The following FHIT variants were observed in gnomAD, a reference collection of about 807,000 sequenced individuals.
The protein encoded by FHIT is fragile histidine triad diadenosine triphosphatase, also known as bis(5'-adenosyl)-triphosphatase.
A neutral mutation model predicts 17.9 loss-of-function variants in FHIT; 19 were observed. The ratio of observed to expected loss-of-function variants is 1.06; its 90% CI spans 0.74 to 1.56. FHIT has a LOEUF of 1.56. FHIT is among the 40% of genes most tolerant of loss of function. FHIT has a pLI of 0.00. For synonymous variants in FHIT, 81 were observed against 69.7 expected, an observed-to-expected ratio of 1.16 and a Z score of -0.81; for missense variants, 248 against 189.2, an observed-to-expected ratio of 1.31 and a Z score of -1.82.
intron 5 of FHIT, among the ~76,000 whole-genome samples, chr3:60,381,518 G>A: frequency 6.6e-6 from 1 of 151,452 alleles, no homozygotes; most frequent in Admixed American, 6.6e-5. Context: ...AAGATCATTA[G>A]ACATAAAACA....
At chr3:59,880,286 G>A (rs1409452870) in intron 8 of FHIT, among the ~76,000 whole-genome samples, 2 of 152,074 alleles carry the variant, frequency 1.3e-5, no homozygotes, top group African/African-American at 4.8e-5. Context: ...CTCTCTCTCA[G>A]GGATCTCTCT....
At chr3:60,839,922 C>T (rs1160059457) in intron 3 of FHIT, among the ~76,000 whole-genome samples, 2 of 152,108 alleles carry the variant, frequency 1.3e-5, no homozygotes, top group Non-Finnish European at 2.9e-5. Context: ...TTAACTACGT[C>T]TTTATTTCCT....
intron 8 of FHIT, among the ~76,000 whole-genome samples, chr3:59,858,384 G>A (rs531896504): frequency 1.5e-3 from 226 of 151,548 alleles, no homozygotes; most frequent in African/African-American, 5.3e-3. Context: ...CCGCCACTAC[G>A]CCTGGCTAAT....
chr3:60,539,361 C>T (rs1004110410), intron 4 of FHIT, among the ~76,000 whole-genome samples: 2 of 152,192 alleles, frequency 1.3e-5, no homozygotes, highest in African/African-American at 2.4e-5. Context: ...TAAACTAGTT[C>T]AACCATTGTG....
intron 5 of FHIT, among the ~76,000 whole-genome samples, chr3:60,312,996 T>A (rs951094402): frequency 1.3e-5 from 2 of 152,150 alleles, no homozygotes; most frequent in Non-Finnish European, 2.9e-5. Flanking sequence ...TTGATTCAGG[T>A]TGATATGATT....
At chr3:60,449,999 C>CA (rs35302096) in intron 5 of FHIT, among the ~76,000 whole-genome samples, 1,391 of 63,348 alleles carry the variant, frequency 0.022, 9 homozygotes, top group Non-Finnish European at 0.03. Flanking sequence ...TAGACTCTGT[C>CA]AAAAAAAAAA....
At chr3:60,289,957 T>C (rs1041249643) in intron 5 of FHIT, among the ~76,000 whole-genome samples, 2 of 152,190 alleles carry the variant, frequency 1.3e-5, no homozygotes, top group African/African-American at 4.8e-5. Flanking sequence ...ACTACAGTGG[T>C]TTATTTCTGA....
At chr3:60,108,919 T>G (rs1253969332) in intron 5 of FHIT, among the ~76,000 whole-genome samples, 1 of 152,120 alleles carries the variant, frequency 6.6e-6, no homozygotes, top group African/African-American at 2.4e-5. Context: ...CACTTCAACC[T>G]CCCAAAGTGC....
chr3:60,785,983 TAAAG>T (rs2108107500), intron 4 of FHIT, among the ~76,000 whole-genome samples: 1 of 140,952 alleles, frequency 7.1e-6, no homozygotes, highest in African/African-American at 2.5e-5. Flanking sequence ...TCTACAGAGA[TAAAG>T]ACAGAAGAAT....
At chr3:60,543,803 G>A (rs995242902) in intron 4 of FHIT, among the ~76,000 whole-genome samples, 2 of 151,264 alleles carry the variant, frequency 1.3e-5, no homozygotes, top group African/African-American at 4.9e-5. Flanking sequence ...GGAGTGCAGC[G>A]GCGCAATCTC....
At chr3:60,855,960 T>C (rs1703362450) in intron 3 of FHIT, among the ~76,000 whole-genome samples, 1 of 152,068 alleles carries the variant, frequency 6.6e-6, no homozygotes, top group African/African-American at 2.4e-5. Context: ...GAGTGTAAGC[T>C]TAAGGAGGCT....
At chr3:60,828,227 A>G (rs1221238787) in intron 3 of FHIT, among the ~76,000 whole-genome samples, 1 of 152,184 alleles carries the variant, frequency 6.6e-6, no homozygotes, top group Non-Finnish European at 1.5e-5. Flanking sequence ...TATCATTTTA[A>G]CATTATCATC....
At chr3:60,681,970 CAG>C (rs1290398277) in intron 4 of FHIT, among the ~76,000 whole-genome samples, 60 of 141,746 alleles carry the variant, frequency 4.2e-4, no homozygotes, top group African/African-American at 1.0e-3. Flanking sequence ...CACTAAACAG[CAG>C]ATTTTTTTTT....
At chr3:59,946,822 T>G (rs933610534) in intron 7 of FHIT, among the ~76,000 whole-genome samples, 3 of 152,214 alleles carry the variant, frequency 2.0e-5, no homozygotes, top group African/African-American at 4.8e-5. Flanking sequence ...ATTTATTGAT[T>G]TGTATATATT....
intron 4 of FHIT, among the ~76,000 whole-genome samples, chr3:60,584,185 T>C (rs569441444): frequency 7.8e-4 from 118 of 152,164 alleles, no homozygotes; most frequent in South Asian, 2.5e-3. Context: ...TTTTTCAGCA[T>C]TTTGTGAGCC....
At chr3:61,036,210 G>C (rs1454010372) in intron 3 of FHIT, among the ~76,000 whole-genome samples, 3 of 152,120 alleles carry the variant, frequency 2.0e-5, no homozygotes, top group Non-Finnish European at 4.4e-5. Context: ...GCAGAACAGA[G>C]TGTGGTAGGT....
intron 4 of FHIT, among the ~76,000 whole-genome samples, chr3:60,539,592 C>T (rs1273965575): frequency 3.3e-5 from 5 of 152,152 alleles, no homozygotes; most frequent in African/African-American, 9.7e-5. Context: ...AGCACATATA[C>T]GTGGAATACT....
chr3:60,596,572 T>C (rs1245963148), intron 4 of FHIT, among the ~76,000 whole-genome samples: 2 of 152,180 alleles, frequency 1.3e-5, no homozygotes, highest in Non-Finnish European at 1.5e-5. Flanking sequence ...TTCTTGGTGT[T>C]TGAATCACTC....
intron 5 of FHIT, among the ~76,000 whole-genome samples, chr3:60,513,464 T>A (rs1171107559): frequency 2.6e-5 from 4 of 152,170 alleles, no homozygotes; most frequent in African/African-American, 9.7e-5. Flanking sequence ...TAAGCAAAGT[T>A]CAAAACATTT....
Sources: gnomAD v4.1 joint callset for allele counts (sites outside exome capture counted in the v4.1 genomes callset) on GRCh38, gnomAD v4.1.1 for gene constraint, MANE v1.5 for transcripts, NCBI Gene and HGNC (gene_info 2026-07-23, HGNC 2026-07-21) for gene names.